Variants in DST observed in about 807,000 individuals in gnomAD.
The protein encoded by DST is bullous pemphigoid antigen.
In DST, 253 loss-of-function variants were observed where a neutral mutation model predicts 875.2. That is an observed-to-expected ratio of 0.29 (90% CI 0.26 to 0.32). The LOEUF (loss-of-function observed/expected upper bound fraction) is 0.32, where lower values mean the gene tolerates loss of function less well. DST is among the 10% of genes least tolerant of loss of function. The probability of loss-of-function intolerance (pLI) is 1.00; values close to 1 mark genes in which losing one functional copy is unlikely to be tolerated. For missense variants in DST, 8,287 were observed against 9,111.6 expected (o/e 0.91, Z 3.68); for synonymous variants, 3,124 against 3,197.1 (o/e 0.98, Z 0.77).
intron 5 of DST, among the ~76,000 whole-genome samples, chr6:56,733,086 G>C (rs1722221660): frequency 6.6e-6 from 1 of 152,072 alleles, no homozygotes; most frequent in Non-Finnish European, 1.5e-5. Flanking sequence ...AGAATGTGTG[G>C]GAGAAGAAGA....
At chr6:56,635,199 T>C (rs1035560636) in intron 24 of DST, among the ~76,000 whole-genome samples, 1 of 152,322 alleles carries the variant, frequency 6.6e-6, no homozygotes, top group Admixed American at 6.5e-5. Flanking sequence ...ATTTATTCTG[T>C]TTATTGTCTA....
At chr6:56,722,582 C>A (rs1273912144) in intron 5 of DST, among the ~76,000 whole-genome samples, 1 of 152,130 alleles carries the variant, frequency 6.6e-6, no homozygotes, top group African/African-American at 2.4e-5. Context: ...CAGGGTTTCA[C>A]CATGTTGGTC....
At chr6:56,805,960 C>T (rs780435755) in intron 4 of DST, among the ~76,000 whole-genome samples, 1 of 152,154 alleles carries the variant, frequency 6.6e-6, no homozygotes, top group Non-Finnish European at 1.5e-5. Flanking sequence ...CAAATCTCCC[C>T]GTAAGAAATT....
At chr6:56,934,267 T>A (rs1203853828) in intron 2 of DST, among the ~76,000 whole-genome samples, 1 of 151,862 alleles carries the variant, frequency 6.6e-6, no homozygotes, top group Non-Finnish European at 1.5e-5. Flanking sequence ...ATTCTCCCCC[T>A]CCTCAGCCCC....
intron 9 of DST, chr6:56,693,011 CA>C: frequency 7.8e-7 from 1 of 1,289,788 alleles, no homozygotes; most frequent in Non-Finnish European, 1.0e-6. Flanking sequence ...GACTCTTTGT[CA>C]CCTCCAGTTT....
intron 5 of DST, among the ~76,000 whole-genome samples, chr6:56,706,657 T>C (rs966542781): frequency 3.3e-5 from 5 of 152,104 alleles, no homozygotes; most frequent in African/African-American, 9.7e-5. Context: ...TCATCAGGCA[T>C]TGGATTCTCA....
At chr6:56,835,965 T>C (rs2099793069) in intron 4 of DST, among the ~76,000 whole-genome samples, 1 of 152,222 alleles carries the variant, frequency 6.6e-6, no homozygotes, top group African/African-American at 2.4e-5. Flanking sequence ...CTTTTCAAAA[T>C]CTTCTCGACC....
In DST at chr6:56,606,485, T is replaced by C. The variant is rs752311915; in HGVS notation, c.8143A>G (p.Lys2715Glu). 6 of 1,613,466 alleles carry C rather than the reference T, an allele frequency of 3.7e-6. No homozygotes were observed. The highest frequency in any genetic ancestry group is 1.7e-6 in the Non-Finnish European group (2 of 1,179,582). Residue 2715 changes from lysine (K) to glutamate (E), a missense_variant, in exon 40 of 104, where the codon AAG (lysine) becomes GAG (glutamate). This residue lies in a region of DST where 3,138 missense variants were observed against 3,116.6 expected (regional missense o/e 1.01). Transcript: ENST00000680361. ...GTTTCCAGTGACTGTCCATTCACCT[T>C]ATCTGAGCCAACAGGATTTAAATGT... ...KIHLNPVGSD[K>E]VNGQSLETGS...
chr6:56,906,142 G>A (rs1252177877), intron 2 of DST, among the ~76,000 whole-genome samples: 1 of 152,136 alleles, frequency 6.6e-6, no homozygotes, highest in East Asian at 1.9e-4. Context: ...TTAACTTTTT[G>A]AGAAACCACC....
chr6:56,877,825 G>C (rs570498478), intron 3 of DST, among the ~76,000 whole-genome samples: 1 of 152,194 alleles, frequency 6.6e-6, no homozygotes, highest in East Asian at 1.9e-4. Flanking sequence ...TGTTTTTATT[G>C]GTTTGCTATA....
intron 22 of DST, among the ~76,000 whole-genome samples, chr6:56,636,928 C>T (rs1306147590): frequency 6.6e-6 from 1 of 152,000 alleles, no homozygotes; most frequent in African/African-American, 2.4e-5. Flanking sequence ...CTAAAAAATA[C>T]AAAAATTAGC....
chr6:56,765,296 A>G (rs2099630638), intron 4 of DST, among the ~76,000 whole-genome samples: 1 of 152,230 alleles, frequency 6.6e-6, no homozygotes, highest in African/African-American at 2.4e-5. Context: ...GTTTCTGCAG[A>G]TATCATTTGC....
At chr6:56,571,586 T>C (rs2097782680) in intron 53 of DST, among the ~76,000 whole-genome samples, 1 of 152,230 alleles carries the variant, frequency 6.6e-6, no homozygotes, top group Non-Finnish European at 1.5e-5. Flanking sequence ...TACAGCTTTT[T>C]AGCTCAACTT....
In DST at chr6:56,515,441, C is replaced by T; in HGVS notation, c.18576+9G>A. 2 of 1,613,362 alleles carry T rather than the reference C, an allele frequency of 1.2e-6. No homozygotes were observed. Among genetic ancestry groups the T allele is most frequent in the Non-Finnish European group, 1.7e-6 (2 of 1,179,536 alleles). On this transcript the variant is annotated intron_variant, in intron 72 of 103. Transcript: ENST00000680361. ...GGGAATACAATATTCTCTTTCACAC[C>T]AGGCTTACCCGATGTTCTTCCTGCT...
At position 56,471,879 on chromosome 6, in the gene DST, T is replaced by A. The variant is rs2094913518; in HGVS notation, c.22158+180A>T. 6 of 672,750 alleles carry A rather than the reference T, an allele frequency of 8.9e-6. No homozygotes were observed. The East Asian group carries it at 1.6e-4, about 18-fold the overall frequency. The allele number at this position is 672,750 out of a possible 1,614,324, so 41.7% of individuals were successfully genotyped here. On this transcript the variant is annotated intron_variant, in intron 94 of 103. Coordinates refer to ENST00000680361, the MANE Select transcript of DST (RefSeq NM_001374736.1). Reference sequence around the variant, plus strand: ...CCTAAATCCAAATCCCATATATCAATATTTCACAAAATCACACATACTTGT... The same window carrying A: ...CCTAAATCCAAATCCCATATATCAAAATTTCACAAAATCACACATACTTGT...
At chr6:56,833,982 C>G (rs775512505) in intron 4 of DST, among the ~76,000 whole-genome samples, 9 of 151,892 alleles carry the variant, frequency 5.9e-5, no homozygotes, top group South Asian at 4.1e-4. Context: ...AATCCCAGCA[C>G]TTTAGAAAGC....
chr6:56,588,171 A>C (rs1267330274), intron 49 of DST, among the ~76,000 whole-genome samples: 3 of 152,210 alleles, frequency 2.0e-5, no homozygotes, highest in Admixed American at 6.5e-5. Flanking sequence ...CTCCCTTGAC[A>C]AAAAGGCCAA....
chr6:56,858,115 C>G (rs1301953185), intron 3 of DST, among the ~76,000 whole-genome samples: 1 of 152,160 alleles, frequency 6.6e-6, no homozygotes, highest in African/African-American at 2.4e-5. Context: ...AGGCCATTAG[C>G]TGGCTCTCAC....
chr6:56,653,602 T>C (rs962873539), intron 10 of DST, among the ~76,000 whole-genome samples: 2 of 152,072 alleles, frequency 1.3e-5, no homozygotes, highest in African/African-American at 2.4e-5. Context: ...GGAGGATCAC[T>C]TGAACCCAGG....
Sources: gnomAD v4.1 joint callset for allele counts (sites outside exome capture counted in the v4.1 genomes callset) on GRCh38, gnomAD v4.1.1 for gene constraint, gnomAD v4.1.1 regional missense constraint, MANE v1.5 for transcripts, NCBI Gene and HGNC (gene_info 2026-07-23, HGNC 2026-07-21) for gene names.